LUZP2: variants seen among roughly 807,000 people sequenced by gnomAD.
LUZP2 encodes leucine zipper protein 2.
A neutral mutation model predicts 51.6 loss-of-function variants in LUZP2; 52 were observed. The observed-to-expected ratio is 1.01, with a 90% confidence interval of 0.81 to 1.27. The LOEUF is 1.27. Among genes scored for constraint, LUZP2 ranks in the 50% most tolerant of loss-of-function variants. The pLI is 0.00. For synonymous variants in LUZP2, 154 were observed against 137.3 expected, an observed-to-expected ratio of 1.12 and a Z score of -0.85; for missense variants, 436 against 395.4, an observed-to-expected ratio of 1.10 and a Z score of -0.87.
intron 11 of LUZP2, among the ~76,000 whole-genome samples, chr11:25,077,625 G>A (rs1181752622): frequency 6.6e-6 from 1 of 150,454 alleles, no homozygotes. Context: ...TCAGCCTCCC[G>A]AGTAGCTGGG....
At chr11:25,030,586 C>T (rs1857616096) in intron 9 of LUZP2, among the ~76,000 whole-genome samples, 1 of 151,570 alleles carries the variant, frequency 6.6e-6, no homozygotes, top group African/African-American at 2.4e-5. Context: ...CTCACCAATA[C>T]TTGTTACTTT....
intron 1 of LUZP2, among the ~76,000 whole-genome samples, chr11:24,570,940 G>A (rs1465527954): frequency 2.6e-5 from 4 of 152,062 alleles, no homozygotes; most frequent in Non-Finnish European, 5.9e-5. Flanking sequence ...AATATGGAAA[G>A]CAAATACCTA....
At chr11:24,916,724 C>T (rs1853802681) in intron 7 of LUZP2, among the ~76,000 whole-genome samples, 1 of 152,144 alleles carries the variant, frequency 6.6e-6, no homozygotes, top group Non-Finnish European at 1.5e-5. Context: ...TTTCTTAATC[C>T]AGTCTATCAC....
intron 5 of LUZP2, among the ~76,000 whole-genome samples, chr11:24,781,923 G>C (rs145743029): frequency 6.6e-6 from 1 of 152,010 alleles, no homozygotes; most frequent in Non-Finnish European, 1.5e-5. Context: ...TGGGGCCTGA[G>C]AGTCTAACAA....
chr11:24,506,048 C>G (rs185538645), intron 1 of LUZP2, among the ~76,000 whole-genome samples: 1 of 152,116 alleles, frequency 6.6e-6, no homozygotes, highest in Non-Finnish European at 1.5e-5. Context: ...GTAACATTAA[C>G]AAGACAATTG....
At chr11:24,908,018 T>C (rs763955369) in intron 6 of LUZP2, among the ~76,000 whole-genome samples, 6 of 152,214 alleles carry the variant, frequency 3.9e-5, no homozygotes, top group Non-Finnish European at 5.9e-5. Context: ...GGCAGGCATG[T>C]GTTTTTGTCT....
intron 7 of LUZP2, among the ~76,000 whole-genome samples, chr11:24,954,281 C>T (rs975051006): frequency 3.3e-5 from 5 of 152,058 alleles, no homozygotes; most frequent in Non-Finnish European, 5.9e-5. Flanking sequence ...CTCCCTATCT[C>T]GCAGGAGGTT....
At chr11:24,874,963 G>A (rs534325434) in intron 5 of LUZP2, among the ~76,000 whole-genome samples, 2 of 152,164 alleles carry the variant, frequency 1.3e-5, no homozygotes, top group South Asian at 4.1e-4. Context: ...TATCATCCAT[G>A]ATAAATATTT....
chr11:24,911,385 C>G (rs1853628486), intron 6 of LUZP2, among the ~76,000 whole-genome samples: 1 of 152,064 alleles, frequency 6.6e-6, no homozygotes, highest in Non-Finnish European at 1.5e-5. Flanking sequence ...CAAATCTCAC[C>G]TTGATTTGTA....
At chr11:24,873,410 G>A (rs887666602) in intron 5 of LUZP2, among the ~76,000 whole-genome samples, 4 of 152,132 alleles carry the variant, frequency 2.6e-5, no homozygotes, top group Admixed American at 6.5e-5. Context: ...AAAAATGTTG[G>A]CCTTTGGAGT....
chr11:24,672,945 C>T lies in LUZP2; in HGVS notation c.63-56224C>T, dbSNP rs370096752. ...TGAGCTCTGTCTCCCGTCAAATCAG[C>T]CGTGGCATTAGATACTCATAAGAGC... On this transcript the variant is annotated intron_variant, in intron 1 of 11. Transcript: ENST00000336930. 2.0e-3 allele frequency among the ~76,000 whole-genome samples: 302 copies of T among 152,270 alleles called. 1 individual carries two copies. Among genetic ancestry groups the T allele is most frequent in the Non-Finnish European group, 3.3e-3 (227 of 68,016 alleles).
chr11:24,509,542 T>C (rs1850242658), intron 1 of LUZP2, among the ~76,000 whole-genome samples: 1 of 149,068 alleles, frequency 6.7e-6, no homozygotes, highest in Admixed American at 6.7e-5. Context: ...GTATATATTA[T>C]ATGCATATTT....
intron 1 of LUZP2, among the ~76,000 whole-genome samples, chr11:24,526,864 G>T (rs1850823843): frequency 6.6e-6 from 1 of 151,218 alleles, no homozygotes; most frequent in African/African-American, 2.4e-5. Flanking sequence ...TCAGCACAAA[G>T]CAGCAATATT....
intron 9 of LUZP2, among the ~76,000 whole-genome samples, chr11:24,992,811 A>G (rs1374146): frequency 0.4 from 60,248 of 151,960 alleles, 13,960 homozygotes; most frequent in East Asian, 0.68. Flanking sequence ...AATTTATTGT[A>G]TATCTGTGTT....
intron 7 of LUZP2, among the ~76,000 whole-genome samples, chr11:24,942,821 T>C (rs1409747780): frequency 6.6e-6 from 1 of 152,176 alleles, no homozygotes; most frequent in East Asian, 1.9e-4. Context: ...AAGTTTGTCC[T>C]TGTGTTTTCT....
chr11:24,544,062 T>G (rs753894949), intron 1 of LUZP2, among the ~76,000 whole-genome samples: 9 of 151,898 alleles, frequency 5.9e-5, no homozygotes, highest in African/African-American at 1.2e-4. Flanking sequence ...GCAGTTGAGA[T>G]ATGGCTGGGC....
chr11:24,874,809 T>C (rs1852193387), intron 5 of LUZP2, among the ~76,000 whole-genome samples: 2 of 152,166 alleles, frequency 1.3e-5, no homozygotes, highest in African/African-American at 4.8e-5. Flanking sequence ...TTACCCCTTT[T>C]CATTTTCTAT....
intron 1 of LUZP2, among the ~76,000 whole-genome samples, chr11:24,583,998 C>T (rs1271542447): frequency 6.6e-6 from 1 of 152,022 alleles, no homozygotes; most frequent in Non-Finnish European, 1.5e-5. Context: ...AGGCGTGAGC[C>T]ACCGCGCCTG....
In LUZP2 at chr11:24,639,681, C is replaced by T. The variant is rs143955795; in HGVS notation, c.63-89488C>T. On this transcript the variant is annotated intron_variant, in intron 1 of 11. Coordinates refer to ENST00000336930, the MANE Select transcript of LUZP2 (RefSeq NM_001009909.4). ...GGTCAGGCTGGTCTCTAACTCACAACCTCATCTGACCCACCCACCTCAGCC... is the reference window on the plus strand; with the variant it reads ...GGTCAGGCTGGTCTCTAACTCACAATCTCATCTGACCCACCCACCTCAGCC... Among the ~76,000 whole-genome samples, 635 of 151,958 alleles carry T rather than the reference C, an allele frequency of 4.2e-3. 3 individuals are homozygous for T. The highest frequency in any genetic ancestry group is 6.6e-3 in the Non-Finnish European group (449 of 68,038).
Sources: allele counts gnomAD v4.1 joint callset (sites outside exome capture counted in the v4.1 genomes callset), GRCh38; gene constraint gnomAD v4.1.1; transcripts MANE v1.5; gene names NCBI Gene and HGNC (gene_info 2026-07-23, HGNC 2026-07-21).